ARFGEF3: variants seen among roughly 807,000 people sequenced by gnomAD.
The protein encoded by ARFGEF3 is ARFGEF family member 3, also known as brefeldin A-inhibited guanine nucleotide-exchange protein 3.
ARFGEF3 carries 96 observed loss-of-function variants against 221.7 expected under a neutral mutation model. The observed-to-expected ratio is 0.43, with a 90% CI of 0.37 to 0.51. The LOEUF is 0.51. ARFGEF3 is among the 20% of genes least tolerant of loss of function. The pLI is 0.00. For synonymous variants in ARFGEF3, 1,145 were observed against 1,126.8 expected, an observed-to-expected ratio of 1.02 and a Z score of -0.32; for missense variants, 2,410 against 2,789.9, an observed-to-expected ratio of 0.86 and a Z score of 3.07.
chr6:138,202,847 T>C (rs1224003998), intron 2 of ARFGEF3, among the ~76,000 whole-genome samples: 3 of 152,042 alleles, frequency 2.0e-5, no homozygotes, highest in Admixed American at 2.0e-4. Context: ...TTTTATTTAC[T>C]ATAAAATTAT....
intron 12 of ARFGEF3, among the ~76,000 whole-genome samples, chr6:138,274,405 A>G (rs1779058368): frequency 1.3e-5 from 2 of 152,202 alleles, no homozygotes; most frequent in Admixed American, 1.3e-4. Context: ...TGAGAGTGCC[A>G]GGGGTTCCCA....
At chr6:138,280,247 G>A (rs1050314716) in intron 14 of ARFGEF3, 83 bp downstream of exon 14, 4 of 1,390,086 alleles carry the variant, frequency 2.9e-6, no homozygotes, top group Admixed American at 2.0e-5. Context: ...AGAAGTGTTG[G>A]TGCTTGGAGC....
Position 138,263,348 on chromosome 6 carries a change from C to G in ARFGEF3, c.1865C>G (p.Ser622Trp). The G allele has an allele frequency of 6.2e-7, 1 of 1,613,988 alleles. No individual in the cohort carries two copies. The highest frequency in any genetic ancestry group is 1.6e-4 in the Middle Eastern group (1 of 6,062). The change falls in exon 12 of 34, where the codon TCG (serine) becomes TGG (tryptophan). Residue 622 changes from serine to tryptophan, a missense_variant. Physicochemically the swap from Ser to Trp is radical, Grantham distance 177 (BLOSUM62 -3). Transcript: ENST00000251691. ...TACTCTATGGCAGCAGAAAAGGACTCGGGCAGGTCCGACGTGTCAGACATT... is the reference window on the plus strand; with the variant it reads ...TACTCTATGGCAGCAGAAAAGGACTGGGGCAGGTCCGACGTGTCAGACATT... Reference protein sequence around the residue: ...DQYSMAAEKDSGRSDVSDIGS... With the variant: ...DQYSMAAEKDWGRSDVSDIGS...
At chr6:138,329,579 G>T (rs1030938554) in intron 32 of ARFGEF3, among the ~76,000 whole-genome samples, 17 of 152,096 alleles carry the variant, frequency 1.1e-4, no homozygotes, top group African/African-American at 3.9e-4. Flanking sequence ...CAGGAGAATC[G>T]CTTGAACCCA....
rs368008223 is a variant in ARFGEF3 at position 138,232,925 on chromosome 6, A to G, written c.420+3073A>G. ...AACATGTACTGTTAATCACTCTGCTATATTGCTCCCTGGCTCCCCCTCAGT... is the reference window on the plus strand; with the variant it reads ...AACATGTACTGTTAATCACTCTGCTGTATTGCTCCCTGGCTCCCCCTCAGT... On this transcript the variant is annotated intron_variant, in intron 5 of 33. Transcript: ENST00000251691. Among the ~76,000 whole-genome samples the G allele has an allele frequency of 1.1e-4, 17 of 152,324 alleles. 1 individual carries two copies. Among genetic ancestry groups the G allele is most frequent in the Admixed American group, 2.6e-4 (4 of 15,296 alleles).
chr6:138,187,107 G>T (rs1327436926), intron 2 of ARFGEF3, among the ~76,000 whole-genome samples: 1 of 151,676 alleles, frequency 6.6e-6, no homozygotes. Flanking sequence ...TAGAGATAGG[G>T]TTTCTCCATG....
intron 4 of ARFGEF3, among the ~76,000 whole-genome samples, chr6:138,227,639 C>T (rs1453791188): frequency 2.0e-5 from 3 of 152,138 alleles, no homozygotes; most frequent in Admixed American, 6.5e-5. Context: ...CCGCCCCCCG[C>T]CATGAAACAT....
chr6:138,298,727 T>C lies in ARFGEF3; in HGVS notation c.3770T>C (p.Phe1257Ser). Residue 1257 changes from phenylalanine to serine, a missense_variant, in exon 22 of 34, where the codon TTC (phenylalanine) becomes TCC (serine). By Grantham distance (155) the Phe-to-Ser change is radical. Coordinates refer to ENST00000251691, the MANE Select transcript of ARFGEF3 (RefSeq NM_020340.5). ...CATTTTCACTTCAATGAAGCACTCT[T>C]CCGACCTTTCGAGCGCATTATGCAG... is the stretch of plus-strand genomic sequence containing the variant. ...PPHFHFNEAL[F>S]RPFERIMQLE... is the part of the protein sequence containing the mutation. 6.2e-7 allele frequency: 1 copy of C among 1,613,556 alleles called. No individual in the cohort carries two copies. Among genetic ancestry groups the C allele is most frequent in the Non-Finnish European group, 8.5e-7 (1 of 1,179,752 alleles).
chr6:138,301,293 A>AC (rs1476092238), intron 22 of ARFGEF3, among the ~76,000 whole-genome samples: 1 of 152,256 alleles, frequency 6.6e-6, no homozygotes, highest in Non-Finnish European at 1.5e-5. Context: ...ATTCTTAAAA[A>AC]CAGTGTTTGC....
At chr6:138,163,162 A>C (rs1283644471) in intron 1 of ARFGEF3, among the ~76,000 whole-genome samples, 1 of 152,222 alleles carries the variant, frequency 6.6e-6, no homozygotes, top group African/African-American at 2.4e-5. Flanking sequence ...TAAATGTAAA[A>C]TTTTGAGAGT....
At chr6:138,267,841 C>T (rs867281592) in intron 12 of ARFGEF3, among the ~76,000 whole-genome samples, 1 of 152,106 alleles carries the variant, frequency 6.6e-6, no homozygotes, top group Non-Finnish European at 1.5e-5. Context: ...ATTTTTTAAA[C>T]GTAAAAATCA....
intron 22 of ARFGEF3, among the ~76,000 whole-genome samples, chr6:138,300,383 T>G (rs1409044317): frequency 2.0e-5 from 3 of 152,180 alleles, no homozygotes; most frequent in Non-Finnish European, 4.4e-5. Flanking sequence ...CACCTAAGAC[T>G]TTATACCAAT....
chr6:138,178,136 C>A (rs567358852), intron 2 of ARFGEF3, among the ~76,000 whole-genome samples: 17 of 152,218 alleles, frequency 1.1e-4, no homozygotes, highest in African/African-American at 4.1e-4. Context: ...CTTTTTCTCT[C>A]GAAGATGTGA....
rs1281451890 is a variant in ARFGEF3 at position 138,337,298 on chromosome 6, T to C, written c.*812T>C. Reference sequence around the variant, plus strand: ...CCTGGCTGTTCTTGTGGTGTTTGTTTCCATCCCCAAGGCAAACAAGGAAAG... The same window carrying C: ...CCTGGCTGTTCTTGTGGTGTTTGTTCCCATCCCCAAGGCAAACAAGGAAAG... On this transcript the variant is annotated 3_prime_UTR_variant, in exon 34 of 34. Transcript: ENST00000251691. 2.6e-5 allele frequency: 4 copies of C among 152,658 alleles called. No individual in the cohort carries two copies. The highest frequency in any genetic ancestry group is 1.3e-4 in the Admixed American group (2 of 15,286). 9.5% of individuals were successfully genotyped at this position (152,658 alleles called of 1,614,324 possible).
intron 4 of ARFGEF3, among the ~76,000 whole-genome samples, chr6:138,228,596 CA>C (rs963752172): frequency 4.6e-5 from 7 of 150,748 alleles, no homozygotes; most frequent in Middle Eastern, 3.4e-3. Context: ...CTAAATATGG[CA>C]AAAAAAAATC....
In ARFGEF3 at chr6:138,334,461, CGA is replaced by C; in HGVS notation, c.5619_5620del (p.Gly1874GlnfsTer91). ...GAGGAAACCGCCCAGGTCAGCCCCC[CGA>C]GAGGCAAGGAGAAGAGACAGTGGCG... On this transcript the variant is annotated frameshift_variant, in exon 33 of 34. Coordinates refer to ENST00000251691, the MANE Select transcript of ARFGEF3 (RefSeq NM_020340.5). LOFTEE classifies it high-confidence loss of function. This position sits in a 1 kb window ranked among gnomAD's most constrained non-coding sequence, Gnocchi z 5.1. 6.2e-7 allele frequency: 1 copy of C among 1,611,654 alleles called. No homozygotes were observed. The highest frequency in any genetic ancestry group is 8.5e-7 in the Non-Finnish European group (1 of 1,179,168).
chr6:138,164,006 G>A (rs118170540), intron 1 of ARFGEF3, among the ~76,000 whole-genome samples: 1,854 of 152,176 alleles, frequency 0.012, 22 homozygotes, highest in Middle Eastern at 0.034. Flanking sequence ...TCTTTCCGTC[G>A]CTTCTTTATT....
In ARFGEF3 at chr6:138,209,125, A is replaced by T. The variant is rs114101172; in HGVS notation, c.220-785A>T. On this transcript the variant is annotated intron_variant, in intron 3 of 33. Coordinates refer to ENST00000251691, the MANE Select transcript of ARFGEF3 (RefSeq NM_020340.5). Reference sequence around the variant, plus strand: ...GGTTTTGGGGGGGATGCATTTTCTGATGGGGACATACATGAAGATTTCTGG... The same window carrying T: ...GGTTTTGGGGGGGATGCATTTTCTGTTGGGGACATACATGAAGATTTCTGG... 1.8e-3 allele frequency among the ~76,000 whole-genome samples: 275 copies of T among 152,288 alleles called. 1 individual carries two copies. The highest frequency in any genetic ancestry group is 5.8e-3 in the African/African-American group (239 of 41,554).
chr6:138,170,902 A>C (rs1776816449), intron 2 of ARFGEF3, among the ~76,000 whole-genome samples, 189 bp downstream of exon 2: 1 of 152,230 alleles, frequency 6.6e-6, no homozygotes, highest in South Asian at 2.1e-4. Context: ...GTCCAAGATC[A>C]AGGGGCCACA....
Sources: allele counts gnomAD v4.1 joint callset (sites outside exome capture counted in the v4.1 genomes callset), GRCh38; gene constraint gnomAD v4.1.1; non-coding constraint Gnocchi (gnomAD v3.1); transcripts MANE v1.5; gene names NCBI Gene and HGNC (gene_info 2026-07-23, HGNC 2026-07-21).